LDLRAD4: variants seen among roughly 807,000 people sequenced by gnomAD.
LDLRAD4 encodes the protein low-density lipoprotein receptor class A domain-containing protein 4.
LDLRAD4 carries 5 observed loss-of-function variants against 17.0 expected under a neutral mutation model. The ratio of observed to expected loss-of-function variants is 0.29; its 90% CI spans 0.15 to 0.62. LDLRAD4 has a LOEUF of 0.62. Ranked by LOEUF, LDLRAD4 falls within the 20% of genes least tolerant of loss-of-function variation. The pLI, the probability that LDLRAD4 is intolerant of heterozygous loss-of-function variation, is 0.84. For synonymous variants in LDLRAD4, 168 were observed against 171.8 expected (o/e 0.98, Z 0.17); for missense variants, 340 against 424.7 (o/e 0.80, Z 1.75).
At chr18:13,256,156 G>A (rs1051413714) in intron 1 of LDLRAD4, among the ~76,000 whole-genome samples, 5 of 152,198 alleles carry the variant, frequency 3.3e-5, no homozygotes, top group Non-Finnish European at 7.3e-5. Context: ...ACAAGGTTTT[G>A]CTGCCTGATT....
chr18:13,444,979 G>T (rs538157087), intron 3 of LDLRAD4, among the ~76,000 whole-genome samples: 1 of 152,310 alleles, frequency 6.6e-6, no homozygotes, highest in East Asian at 1.9e-4. Context: ...TCCTTCCCAT[G>T]TGTGTTTAGA....
In LDLRAD4 at chr18:13,372,140, G is replaced by A. The variant is rs2045089; in HGVS notation, c.-382-15201G>A. Among the ~76,000 whole-genome samples, 1,330 of 152,258 alleles carry A rather than the reference G, an allele frequency of 8.7e-3. 60 individuals are homozygous for A. Among genetic ancestry groups the A allele is most frequent in the Admixed American group, 0.075 (1,146 of 15,282 alleles). Reference sequence around the variant, plus strand: ...ATTTCATCACACTTGATCTATTGTCGAATTCACCAAGCACTGCCGTGTGCC... The same window carrying A: ...ATTTCATCACACTTGATCTATTGTCAAATTCACCAAGCACTGCCGTGTGCC... On this transcript the variant is annotated intron_variant, in intron 1 of 5. Transcript: ENST00000359446.
intron 1 of LDLRAD4, chr18:13,279,527 G>A (rs2045118069): frequency 6.6e-6 from 1 of 152,202 alleles, no homozygotes; most frequent in Non-Finnish European, 1.5e-5. Flanking sequence ...CACACCACTG[G>A]ACTATGCCCC....
chr18:13,576,617 G>A (rs1303545865), intron 3 of LDLRAD4, among the ~76,000 whole-genome samples: 1 of 152,320 alleles, frequency 6.6e-6, no homozygotes, highest in South Asian at 2.1e-4. Flanking sequence ...TCCGGGGTCA[G>A]TTCAGTCAAC....
At chr18:13,291,021 A>T (rs1042457051) in intron 1 of LDLRAD4, among the ~76,000 whole-genome samples, 1 of 152,242 alleles carries the variant, frequency 6.6e-6, no homozygotes, top group Admixed American at 6.5e-5. Context: ...CTAAACTCTG[A>T]AGTATTTTCT....
At chr18:13,576,205 C>T (rs574804095) in intron 3 of LDLRAD4, among the ~76,000 whole-genome samples, 10 of 152,084 alleles carry the variant, frequency 6.6e-5, no homozygotes, top group Non-Finnish European at 8.8e-5. Context: ...GGGTGGATCA[C>T]GAGGTCAGGA....
chr18:13,306,038 A>G (rs2046893252), intron 1 of LDLRAD4, among the ~76,000 whole-genome samples: 1 of 152,250 alleles, frequency 6.6e-6, no homozygotes, highest in Non-Finnish European at 1.5e-5. Context: ...AGTCAAGATA[A>G]TAGGAGAAGC....
At chr18:13,527,862 G>T (rs1182264027) in intron 3 of LDLRAD4, among the ~76,000 whole-genome samples, 1 of 152,108 alleles carries the variant, frequency 6.6e-6, no homozygotes, top group African/African-American at 2.4e-5. Context: ...GGAGACCCCG[G>T]GCTGCCACTC....
At chr18:13,301,589 C>T (rs1024761549) in intron 1 of LDLRAD4, among the ~76,000 whole-genome samples, 1 of 152,220 alleles carries the variant, frequency 6.6e-6, no homozygotes, top group African/African-American at 2.4e-5. Flanking sequence ...GGAAGCTCAC[C>T]TTGTCCCCAG....
chr18:13,299,926 G>A (rs1285583000), intron 1 of LDLRAD4, among the ~76,000 whole-genome samples: 4 of 152,260 alleles, frequency 2.6e-5, no homozygotes, highest in South Asian at 2.1e-4. Context: ...GGTGGTGGTG[G>A]GTGTTTTAGG....
intron 3 of LDLRAD4, among the ~76,000 whole-genome samples, chr18:13,582,019 G>A (rs2094867114): frequency 6.6e-6 from 1 of 152,096 alleles, no homozygotes; most frequent in South Asian, 2.1e-4. Flanking sequence ...CACACTGAGG[G>A]GCTGTGAAAG....
intron 1 of LDLRAD4, among the ~76,000 whole-genome samples, chr18:13,381,427 G>A (rs1472601862): frequency 2.0e-5 from 3 of 152,120 alleles, no homozygotes; most frequent in Admixed American, 6.5e-5. Context: ...GGCCATAGGG[G>A]ACTTTTTGGA....
intron 1 of LDLRAD4, among the ~76,000 whole-genome samples, chr18:13,308,403 C>T (rs919940863): frequency 6.6e-6 from 1 of 152,172 alleles, no homozygotes; most frequent in African/African-American, 2.4e-5. Flanking sequence ...CTCAAACATG[C>T]ACGTGTACCT....
intron 4 of LDLRAD4, among the ~76,000 whole-genome samples, chr18:13,628,870 G>T (rs1443313986): frequency 5.3e-5 from 8 of 152,224 alleles, no homozygotes. Flanking sequence ...TCACTTTGTT[G>T]CGCAGGCTGG....
rs578249587 is a variant in LDLRAD4, at chr18:13,393,059, G to C, written c.40+5297G>C. Among the ~76,000 whole-genome samples the C allele has an allele frequency of 8.9e-4, 136 of 152,220 alleles. 1 individual carries two copies. Among genetic ancestry groups the C allele is most frequent in the Middle Eastern group, 6.8e-3 (2 of 294 alleles). The stretch of plus-strand genomic sequence containing the variant: ...TGTAGGCTTGCTGGGGGTGTGACTG[G>C]GCTGCTGTGTTCAGGAGCAGCTCCC... On this transcript the variant is annotated intron_variant, in intron 2 of 5. Coordinates refer to ENST00000359446, the Ensembl canonical transcript of LDLRAD4.
At position 13,367,430 on chromosome 18, in the gene LDLRAD4, C is replaced by T. The variant is rs1452824061; in HGVS notation, c.-382-19911C>T. Among the ~76,000 whole-genome samples the T allele has an allele frequency of 6.6e-6, 1 of 152,116 alleles. No homozygotes were observed. The highest frequency in any genetic ancestry group is 1.5e-5 in the Non-Finnish European group (1 of 68,024). ...GTCTCAGGCATTGAACTGCGTGGGG[C>T]ACTCCATGGGGCAGAAAAGAGCCTG... On this transcript the variant is annotated intron_variant, in intron 1 of 5. Transcript: ENST00000359446. This position sits in a 1 kb window ranked among gnomAD's most constrained non-coding sequence, Gnocchi z 4.1.
At chr18:13,419,777 T>C (rs2089276675) in intron 2 of LDLRAD4, 1 of 152,240 alleles carries the variant, frequency 6.6e-6, no homozygotes, top group Non-Finnish European at 1.5e-5. Flanking sequence ...CTTTAGGGTC[T>C]CTTCCAGCCT....
At chr18:13,552,605 T>G (rs923388181) in intron 3 of LDLRAD4, among the ~76,000 whole-genome samples, 1 of 152,148 alleles carries the variant, frequency 6.6e-6, no homozygotes, top group African/African-American at 2.4e-5. Context: ...CTCACCCTCC[T>G]CCCTCCACTT....
exon 6 of LDLRAD4, chr18:13,650,107 A>G: frequency 2.5e-6 from 1 of 398,716 alleles, no homozygotes. Flanking sequence ...CAGAGATGTG[A>G]ACAGACAATG....
Sources: gnomAD v4.1 joint callset for allele counts (sites outside exome capture counted in the v4.1 genomes callset) on GRCh38, gnomAD v4.1.1 for gene constraint, Gnocchi (gnomAD v3.1) non-coding constraint, MANE v1.5 for transcripts, NCBI Gene and HGNC (gene_info 2026-07-23, HGNC 2026-07-21) for gene names.